Variants in NELL2 observed in about 807,000 individuals in gnomAD.
NELL2 encodes protein kinase C-binding protein NELL2.
NELL2 carries 41 observed loss-of-function variants against 109.6 expected under a neutral mutation model. The ratio of observed to expected loss-of-function variants is 0.37; its 90% CI spans 0.29 to 0.49. The LOEUF (loss-of-function observed/expected upper bound fraction) is 0.49. Ranked by LOEUF, NELL2 falls within the 20% of genes least tolerant of loss-of-function variation. NELL2 has a pLI of 0.98. For synonymous variants in NELL2, 355 were observed against 344.7 expected (o/e 1.03, Z -0.33); for missense variants, 900 against 1,008.3 (o/e 0.89, Z 1.45).
At chr12:44,767,546 A>G (rs188714375) in intron 9 of NELL2, among the ~76,000 whole-genome samples, 4 of 152,326 alleles carry the variant, frequency 2.6e-5, no homozygotes, top group African/African-American at 4.8e-5. Flanking sequence ...GAAAAAAGCC[A>G]TAAGACTGCA....
At chr12:44,778,987 C>T (rs1032293510) in intron 5 of NELL2, among the ~76,000 whole-genome samples, 4 of 152,150 alleles carry the variant, frequency 2.6e-5, no homozygotes, top group Non-Finnish European at 5.9e-5. Context: ...AATCATTCAT[C>T]GAGCCACTTC....
chr12:44,860,779 T>C (rs983762017), intron 2 of NELL2, among the ~76,000 whole-genome samples: 6 of 152,204 alleles, frequency 3.9e-5, no homozygotes, highest in Admixed American at 3.9e-4. Context: ...CACATAACAA[T>C]ATATTCACTG....
chr12:44,520,489 T>C (rs1479429081), intron 18 of NELL2, among the ~76,000 whole-genome samples: 1 of 152,116 alleles, frequency 6.6e-6, no homozygotes, highest in Non-Finnish European at 1.5e-5. Context: ...AAAGCAAAAA[T>C]CACTCATCTT....
chr12:44,744,772 A>G (rs1940223963), intron 9 of NELL2, among the ~76,000 whole-genome samples: 1 of 152,258 alleles, frequency 6.6e-6, no homozygotes, highest in Non-Finnish European at 1.5e-5. Flanking sequence ...GAATCTCTGA[A>G]TAGACCAATA....
At chr12:44,818,046 T>G (rs1368422217) in intron 2 of NELL2, among the ~76,000 whole-genome samples, 1 of 147,788 alleles carries the variant, frequency 6.8e-6, no homozygotes, top group East Asian at 1.9e-4. Flanking sequence ...AACATTCCCA[T>G]TCAACATTCA....
intron 1 of NELL2, among the ~76,000 whole-genome samples, chr12:44,898,165 G>A (rs1945616664): frequency 6.6e-6 from 1 of 152,188 alleles, no homozygotes; most frequent in Non-Finnish European, 1.5e-5. Flanking sequence ...GGGAGAAGGG[G>A]TGGCTGTGGG....
At chr12:44,518,104 T>G (rs1941355625) in intron 19 of NELL2, among the ~76,000 whole-genome samples, 1 of 152,230 alleles carries the variant, frequency 6.6e-6, no homozygotes, top group Non-Finnish European at 1.5e-5. Context: ...TATTTAATAG[T>G]AACTTCTATG....
intron 2 of NELL2, among the ~76,000 whole-genome samples, chr12:44,837,366 G>A (rs1406073550): frequency 6.6e-6 from 1 of 152,144 alleles, no homozygotes; most frequent in African/African-American, 2.4e-5. Context: ...CCTAATCGTG[G>A]CAATCTAAAA....
chr12:44,828,918 CA>C (rs1294148971), intron 2 of NELL2, among the ~76,000 whole-genome samples: 1 of 152,120 alleles, frequency 6.6e-6, no homozygotes, highest in African/African-American at 2.4e-5. Flanking sequence ...TGATCAACCA[CA>C]ATAAGTATTC....
At chr12:44,660,594 A>T (rs1407602164) in intron 13 of NELL2, among the ~76,000 whole-genome samples, 2 of 152,158 alleles carry the variant, frequency 1.3e-5, no homozygotes, top group Non-Finnish European at 2.9e-5. Context: ...TGCACAATTG[A>T]CAACCACTAC....
intron 13 of NELL2, among the ~76,000 whole-genome samples, chr12:44,646,698 T>A (rs920782976): frequency 1.3e-5 from 2 of 152,212 alleles, no homozygotes; most frequent in African/African-American, 4.8e-5. Flanking sequence ...GGGACTACTG[T>A]ACTGCCTAGT....
intron 12 of NELL2, among the ~76,000 whole-genome samples, chr12:44,702,334 T>A (rs1949254496): frequency 3.3e-5 from 5 of 152,128 alleles, no homozygotes; most frequent in Non-Finnish European, 7.4e-5. Flanking sequence ...TTTACTCCAC[T>A]TTACATCAAG....
intron 12 of NELL2, among the ~76,000 whole-genome samples, chr12:44,701,836 C>T (rs920464797): frequency 1.3e-5 from 2 of 152,078 alleles, no homozygotes; most frequent in Non-Finnish European, 2.9e-5. Context: ...GGAGCCAGAA[C>T]TATCCTTTTC....
intron 13 of NELL2, among the ~76,000 whole-genome samples, chr12:44,620,038 C>T (rs1328351210): frequency 6.6e-6 from 1 of 151,644 alleles, no homozygotes; most frequent in Non-Finnish European, 1.5e-5. Flanking sequence ...ACCTAGGCAA[C>T]TGGGAAGGTG....
At chr12:44,630,843 T>C (rs1034151947) in intron 13 of NELL2, among the ~76,000 whole-genome samples, 2 of 152,118 alleles carry the variant, frequency 1.3e-5, no homozygotes, top group African/African-American at 4.8e-5. Context: ...GGAATAAAGA[T>C]TAGTCTCATT....
chr12:44,904,535 A>G (rs1431886504), intron 1 of NELL2, among the ~76,000 whole-genome samples: 1 of 152,154 alleles, frequency 6.6e-6, no homozygotes, highest in Non-Finnish European at 1.5e-5. Flanking sequence ...AATGAAAGCC[A>G]CATGATGGAA....
At chr12:44,801,043 A>C (rs114639738) in intron 3 of NELL2, among the ~76,000 whole-genome samples, 2,196 of 152,282 alleles carry the variant, frequency 0.014, 51 homozygotes, top group African/African-American at 0.05. Context: ...ATATTACCTC[A>C]GGAGTTCCCA....
Position 44,816,131 on chromosome 12 carries a change from G to A in NELL2, c.190C>T (p.Pro64Ser), listed in dbSNP as rs147430874. 7 of 1,588,930 alleles carry A rather than the reference G, an allele frequency of 4.4e-6. No individual in the cohort carries two copies. The highest frequency in any genetic ancestry group is 6.0e-6 in the Non-Finnish European group (7 of 1,171,844). The change falls in exon 3 of 20, where the codon CCC (proline) becomes TCC (serine). Residue 64 changes from proline to serine, a missense_variant. Coordinates refer to ENST00000429094, the MANE Select transcript of NELL2 (RefSeq NM_001145108.2). ...GTKAFLFQDT[P>S]RSIKASTATA... ...GCAGTGGATGCTTTTATGCTTCTGG[G>A]AGTATCTAAAAAAGAAACAAACATA...
chr12:44,746,614 C>A (rs989532012), intron 9 of NELL2, among the ~76,000 whole-genome samples: 9 of 152,052 alleles, frequency 5.9e-5, no homozygotes, highest in African/African-American at 1.7e-4. Context: ...AAAAAACAAA[C>A]AACCCCATCA....
Sources: allele counts gnomAD v4.1 joint callset (sites outside exome capture counted in the v4.1 genomes callset), GRCh38; gene constraint gnomAD v4.1.1; transcripts MANE v1.5; gene names NCBI Gene and HGNC (gene_info 2026-07-23, HGNC 2026-07-21).